Variants in CMYA5 observed in about 807,000 individuals in gnomAD.
The protein encoded by CMYA5 is cardiomyopathy-associated protein 5.
CMYA5 carries 246 observed loss-of-function variants against 318.9 expected under a neutral mutation model. The ratio of observed to expected loss-of-function variants is 0.77; its 90% CI spans 0.70 to 0.86. The LOEUF is 0.86. CMYA5 is among the 40% of genes least tolerant of loss of function. The pLI is 0.00. For missense variants in CMYA5, 4,589 were observed against 4,678.2 expected (o/e 0.98, Z 0.56); for synonymous variants, 1,641 against 1,729.5 (o/e 0.95, Z 1.27).
At position 79,793,507 on chromosome 5, in the gene CMYA5, T is replaced by C; in HGVS notation, c.11860T>C (p.Cys3954Arg). ...QHYWETTVTD[C>R]PAYRLGICSS... ...TTACTGGGAAACCACAGTCACAGAC[T>C]GCCCAGCATATCGACTCGGCATCTG... is the stretch of plus-strand genomic sequence containing the variant. The change falls in exon 12 of 13, where the codon TGC becomes CGC. Residue 3954 changes from cysteine (C) to arginine (R), a missense_variant. Cys to Arg is a radical substitution (Grantham distance 180). This residue lies in a region of CMYA5 where 2,431 missense variants were observed against 2,495.1 expected (regional missense o/e 0.97). Coordinates refer to ENST00000446378, the MANE Select transcript of CMYA5 (RefSeq NM_153610.5). 6.2e-7 allele frequency: 1 copy of C among 1,613,974 alleles called. No individual in the cohort carries two copies. The highest frequency in any genetic ancestry group is 8.5e-7 in the Non-Finnish European group (1 of 1,179,872).
rs868238009 is a variant in CMYA5 at position 79,763,412 on chromosome 5, C to T, written c.11555+203C>T. On this transcript the variant is annotated intron_variant, in intron 9 of 12. Transcript: ENST00000446378. ...TTGTAATAAAACACAGGCTACAATG[C>T]AGAATAACTCCCTTGTAAGAAAAAT... is the stretch of plus-strand genomic sequence containing the variant. 28 of 513,196 alleles carry T rather than the reference C, an allele frequency of 5.5e-5. No homozygotes were observed. The Middle Eastern group carries it at 2.0e-3, about 36-fold the overall frequency. 31.8% of individuals were successfully genotyped at this position (513,196 alleles called of 1,614,324 possible).
chr5:79,706,787 A>T (rs1360408013), intron 1 of CMYA5, among the ~76,000 whole-genome samples: 1 of 152,250 alleles, frequency 6.6e-6, no homozygotes, highest in Non-Finnish European at 1.5e-5. Flanking sequence ...TTGTCTTTAC[A>T]CAGTCCTGCA....
At position 79,736,036 on chromosome 5, in the gene CMYA5, T is replaced by G; in HGVS notation, c.7271T>G (p.Phe2424Cys). The change falls in exon 2 of 13, where the codon TTC (phenylalanine) becomes TGC (cysteine). Residue 2424 changes from phenylalanine to cysteine, a missense_variant. By Grantham distance (205) the Phe-to-Cys change is radical. Coordinates refer to ENST00000446378, the MANE Select transcript of CMYA5 (RefSeq NM_153610.5). Reference protein sequence around the residue: ...VEESKGSLIDFSEDRLKKEMQ... With the variant: ...VEESKGSLIDCSEDRLKKEMQ... ...GAATCAAAAGGCAGTTTAATTGATT[T>G]CAGTGAAGACAGACTCAAGAAAGAA... 1.9e-6 allele frequency: 3 copies of G among 1,612,914 alleles called. No individual in the cohort carries two copies. In the South Asian group the frequency reaches 3.3e-5, roughly 18 times the overall value.
At position 79,789,055 on chromosome 5, in the gene CMYA5, T is replaced by C. The variant is rs1452023526; in HGVS notation, c.11640T>C (p.Asn3880=). The C allele has an allele frequency of 2.5e-6, 4 of 1,613,994 alleles. No individual in the cohort carries two copies. In the South Asian group the frequency reaches 4.4e-5, roughly 18 times the overall value. ...DNYFFYVRAI[N]AFGTSEQSEA... is the part of the protein sequence containing the mutation. ...ACTTTTTCTATGTGAGGGCCATCAA[T>C]GCATTTGGGACAAGTGAACAGAGTG... Residue 3880 remains asparagine, a synonymous_variant, in exon 10 of 13, where the codon AAT becomes AAC. Coordinates refer to ENST00000446378, the MANE Select transcript of CMYA5 (RefSeq NM_153610.5).
At position 79,738,154 on chromosome 5, in the gene CMYA5, C is replaced by A; in HGVS notation, c.9389C>A (p.Thr3130Asn). Reference sequence around the variant, plus strand: ...CACAACATATTATCTCATCCAGAGACCCAAAGCCAAAACTCAGCTGACAGG... The same window carrying A: ...CACAACATATTATCTCATCCAGAGAACCAAAGCCAAAACTCAGCTGACAGG... ...KGHNILSHPETQSQNSADRNV... is the reference protein window; with the variant it reads ...KGHNILSHPENQSQNSADRNV... Residue 3130 changes from threonine (T) to asparagine (N), a missense_variant, in exon 2 of 13, where the codon ACC becomes AAC. Thr to Asn is a moderately conservative substitution (Grantham distance 65, BLOSUM62 0). Transcript: ENST00000446378. The A allele has an allele frequency of 1.9e-6, 3 of 1,613,782 alleles. No individual in the cohort carries two copies. The highest frequency in any genetic ancestry group is 2.5e-6 in the Non-Finnish European group (3 of 1,179,830).
Position 79,745,947 on chromosome 5 carries a change from A to G in CMYA5, c.10968+492A>G, listed in dbSNP as rs899428156. Among the ~76,000 whole-genome samples the G allele has an allele frequency of 8.5e-5, 13 of 152,192 alleles. 1 individual carries two copies. Among genetic ancestry groups the G allele is most frequent in the Admixed American group, 5.2e-4 (8 of 15,274 alleles). Reference sequence around the variant, plus strand: ...ACATAATGGGGTACCCCTCTCAGGTAATAAATATGTTGGTGTTTTTACAAG... The same window carrying G: ...ACATAATGGGGTACCCCTCTCAGGTGATAAATATGTTGGTGTTTTTACAAG... On this transcript the variant is annotated intron_variant, in intron 4 of 12. Transcript: ENST00000446378.
intron 12 of CMYA5, among the ~76,000 whole-genome samples, chr5:79,795,294 G>A (rs148610886): frequency 1.3e-3 from 203 of 152,266 alleles, no homozygotes; most frequent in South Asian, 5.0e-3. Context: ...GGGACTCTGA[G>A]AACGCTCCTG....
intron 1 of CMYA5, among the ~76,000 whole-genome samples, chr5:79,726,932 T>TTTTTTTTA (rs1827760242): frequency 6.8e-6 from 1 of 146,280 alleles, no homozygotes; most frequent in African/African-American, 2.6e-5. Flanking sequence ...TTTTTTTTTT[T>TTTTTTTTA]GAGACGGAGT....
In CMYA5 at chr5:79,733,083, G is replaced by A. The variant is rs756340261; in HGVS notation, c.4318G>A (p.Glu1440Lys). The A allele has an allele frequency of 1.2e-5, 20 of 1,613,644 alleles. No individual in the cohort carries two copies. Among genetic ancestry groups the A allele is most frequent in the Non-Finnish European group, 1.7e-5 (20 of 1,179,748 alleles). ...SSKHLAWSEA[E>K]KEIKFDSLPS... is the part of the protein sequence containing the mutation. The stretch of plus-strand genomic sequence containing the variant: ...CAAACATTTAGCTTGGTCAGAAGCA[G>A]AGAAGGAAATTAAATTTGATTCACT... Residue 1440 changes from glutamate to lysine, a missense_variant, in exon 2 of 13, where the codon GAG becomes AAG. Coordinates refer to ENST00000446378, the MANE Select transcript of CMYA5 (RefSeq NM_153610.5).
intron 12 of CMYA5, among the ~76,000 whole-genome samples, chr5:79,794,327 C>T (rs1221611663): frequency 6.6e-6 from 1 of 152,158 alleles, no homozygotes; most frequent in African/African-American, 2.4e-5. Context: ...AAAAGTTTGC[C>T]AATCTCTGTT....
At chr5:79,743,148 C>T (rs1000154695) in intron 2 of CMYA5, among the ~76,000 whole-genome samples, 1 of 152,232 alleles carries the variant, frequency 6.6e-6, no homozygotes, top group African/African-American at 2.4e-5. Context: ...GTGAATCAGA[C>T]AGCTGAAGCT....
chr5:79,697,711 C>T (rs2151074690), intron 1 of CMYA5, among the ~76,000 whole-genome samples: 1 of 152,270 alleles, frequency 6.6e-6, no homozygotes, highest in South Asian at 2.1e-4. Flanking sequence ...TTTCAGGGCT[C>T]ACCTCAATAT....
chr5:79,734,950 C>T lies in CMYA5; in HGVS notation c.6185C>T (p.Ser2062Leu). ...VSGLSVEQVK[S>L]ETISSSVKTA... ...GGCCTATCAGTGGAACAGGTGAAGT[C>T]AGAAACAATCTCCTCTTCTGTCAAA... is the stretch of plus-strand genomic sequence containing the variant. Residue 2062 changes from serine to leucine, a missense_variant, in exon 2 of 13, where the codon TCA (serine) becomes TTA (leucine). Physicochemically the swap from Ser to Leu is moderately radical, Grantham distance 145 (BLOSUM62 -2). Around this residue, in one of 3 missense-constraint regions of CMYA5, gnomAD observed 2,431 missense variants for 2,495.1 expected, o/e 0.97. Coordinates refer to ENST00000446378, the MANE Select transcript of CMYA5 (RefSeq NM_153610.5). 2 of 1,613,758 alleles carry T rather than the reference C, an allele frequency of 1.2e-6. No homozygotes were observed. The highest frequency in any genetic ancestry group is 8.5e-7 in the Non-Finnish European group (1 of 1,179,782).
Position 79,736,376 on chromosome 5 carries a change from A to G in CMYA5, c.7611A>G (p.Lys2537=), listed in dbSNP as rs1828067975. Residue 2537 remains lysine (K), a synonymous_variant, in exon 2 of 13, where the codon AAA becomes AAG. Transcript: ENST00000446378. ...PKIIVGSEKE[K]GEEKENQVYV... ...TCATTGTTGGTTCTGAAAAGGAGAA[A>G]GGTGAAGAAAAAGAAAATCAGGTAT... is the stretch of plus-strand genomic sequence containing the variant. 3 of 1,612,936 alleles carry G rather than the reference A, an allele frequency of 1.9e-6. No homozygotes were observed. The highest frequency in any genetic ancestry group is 1.3e-5 in the African/African-American group (1 of 75,034).
intron 9 of CMYA5, among the ~76,000 whole-genome samples, chr5:79,787,260 A>G (rs1465782056): frequency 6.6e-6 from 1 of 152,052 alleles, no homozygotes; most frequent in Non-Finnish European, 1.5e-5. Context: ...ACAGGCAGAG[A>G]CAGGGCCTGG....
intron 12 of CMYA5, among the ~76,000 whole-genome samples, chr5:79,796,961 A>C (rs1829287919): frequency 6.6e-6 from 1 of 152,226 alleles, no homozygotes; most frequent in South Asian, 2.1e-4. Context: ...AAAGTGTGAT[A>C]TGTCTCATGT....
intron 12 of CMYA5, among the ~76,000 whole-genome samples, chr5:79,797,407 A>G (rs1455704453): frequency 6.6e-6 from 1 of 152,254 alleles, no homozygotes; most frequent in Non-Finnish European, 1.5e-5. Flanking sequence ...TACATTTCAC[A>G]TAGTAATTCT....
chr5:79,758,737 C>T lies in CMYA5; in HGVS notation c.11111-16C>T. 1.3e-6 allele frequency: 2 copies of T among 1,574,078 alleles called. No individual in the cohort carries two copies. The highest frequency in any genetic ancestry group is 1.4e-5 in the African/African-American group (1 of 73,094). Reference sequence around the variant, plus strand: ...AAAAACAGCATTAGTTACAATAAAACTTGTTTATATTCCAGTTCCACAGCC... The same window carrying T: ...AAAAACAGCATTAGTTACAATAAAATTTGTTTATATTCCAGTTCCACAGCC... On this transcript the variant is annotated splice_polypyrimidine_tract_variant and intron_variant, in intron 6 of 12. Coordinates refer to ENST00000446378, the MANE Select transcript of CMYA5 (RefSeq NM_153610.5).
At position 79,706,163 on chromosome 5, in the gene CMYA5, T is replaced by C. The variant is rs536653677; in HGVS notation, c.149+16107T>C. 3.3e-5 allele frequency among the ~76,000 whole-genome samples: 5 copies of C among 152,252 alleles called. No homozygotes were observed. In the East Asian group the frequency reaches 9.6e-4, roughly 29 times the overall value. On this transcript the variant is annotated intron_variant, in intron 1 of 12. Coordinates refer to ENST00000446378, the MANE Select transcript of CMYA5 (RefSeq NM_153610.5). ...TGCGATGCTGCCAATGTGCTGGATATACCAGCATTTATTATTAAGTTTAGT... is the reference window on the plus strand; with the variant it reads ...TGCGATGCTGCCAATGTGCTGGATACACCAGCATTTATTATTAAGTTTAGT...
Sources: gnomAD v4.1 joint callset for allele counts (sites outside exome capture counted in the v4.1 genomes callset) on GRCh38, gnomAD v4.1.1 for gene constraint, gnomAD v4.1.1 regional missense constraint, MANE v1.5 for transcripts, NCBI Gene and HGNC (gene_info 2026-07-23, HGNC 2026-07-21) for gene names.